Variants in ITGB5 observed in about 807,000 individuals in gnomAD.
ITGB5 encodes the protein integrin beta-5.
A neutral mutation model predicts 84.8 loss-of-function variants in ITGB5; 38 were observed. The ratio of observed to expected loss-of-function variants is 0.45; its 90% CI spans 0.35 to 0.59. ITGB5 has a LOEUF of 0.59. ITGB5 is among the 20% of genes least tolerant of loss of function. The probability of loss-of-function intolerance (pLI) is 0.01; values close to 1 mark genes in which losing one functional copy is unlikely to be tolerated. For synonymous variants in ITGB5, 393 were observed against 414.4 expected, an observed-to-expected ratio of 0.95 and a Z score of 0.63; for missense variants, 905 against 1,034.5, an observed-to-expected ratio of 0.87 and a Z score of 1.72.
intron 4 of ITGB5, among the ~76,000 whole-genome samples, chr3:124,842,200 AC>A (rs1463649206): frequency 1.3e-5 from 2 of 152,266 alleles, no homozygotes; most frequent in Non-Finnish European, 2.9e-5. Flanking sequence ...TTATTTAGAA[AC>A]TAAGCATCTT....
chr3:124,796,414 G>T lies in ITGB5; in HGVS notation c.1667C>A (p.Ala556Asp). 1 of 1,613,042 alleles carries T rather than the reference G, an allele frequency of 6.2e-7. No homozygotes were observed. Among genetic ancestry groups the T allele is most frequent in the Non-Finnish European group, 8.5e-7 (1 of 1,179,374 alleles). The change falls in exon 10 of 15, where the codon GCC (alanine) becomes GAC (aspartate). Residue 556 changes from alanine (A) to aspartate (D), a missense_variant. Coordinates refer to ENST00000296181, the MANE Select transcript of ITGB5 (RefSeq NM_002213.5). ...PFCECDNFSC[A>D]RNKGVLCSGH... is the part of the protein sequence containing the mutation. ...TGAGCAGAGGACTCCCTTGTTCCTG[G>T]CACAGGAGAAGTTGTCGCACTCACA...
chr3:124,788,939 A>G (rs886818718), intron 10 of ITGB5, among the ~76,000 whole-genome samples: 1 of 152,158 alleles, frequency 6.6e-6, no homozygotes, highest in African/African-American at 2.4e-5. Flanking sequence ...CAGACCTGTA[A>G]TCCTAGCACT....
chr3:124,845,281 A>G (rs1360288124), intron 4 of ITGB5, among the ~76,000 whole-genome samples: 1 of 152,206 alleles, frequency 6.6e-6, no homozygotes, highest in African/African-American at 2.4e-5. Flanking sequence ...AAAAAATACA[A>G]AAATTAGCTG....
At position 124,821,366 on chromosome 3, in the gene ITGB5, C is replaced by T. The variant is rs374228381; in HGVS notation, c.889G>A (p.Asp297Asn). Residue 297 changes from aspartate (D) to asparagine (N), a missense_variant, in exon 6 of 15, where the codon GAT becomes AAT. Coordinates refer to ENST00000296181, the MANE Select transcript of ITGB5 (RefSeq NM_002213.5). ...GKLGGLVQPH[D>N]GQCHLNEANE... The stretch of plus-strand genomic sequence containing the variant: ...GCCTCGTTCAGGTGGCACTGGCCAT[C>T]GTGTGGCTGCACCAGGCCTCCCAAT... The T allele has an allele frequency of 4.5e-5, 72 of 1,614,088 alleles. No homozygotes were observed. Among genetic ancestry groups the T allele is most frequent in the African/African-American group, 1.1e-4 (8 of 74,948 alleles).
At chr3:124,856,618 T>C (rs1398349252) in intron 3 of ITGB5, among the ~76,000 whole-genome samples, 2 of 152,172 alleles carry the variant, frequency 1.3e-5, no homozygotes, top group Non-Finnish European at 2.9e-5. Context: ...ACAGAGGACA[T>C]AGTAAAAATG....
At chr3:124,873,595 T>C in intron 1 of ITGB5, 64 bp from the exon 2 acceptor site, 2 of 1,192,042 alleles carry the variant, frequency 1.7e-6, no homozygotes, top group Non-Finnish European at 2.5e-6. Context: ...ATCAAGCCTT[T>C]GAATAGGGGG....
At chr3:124,882,867 G>A (rs996158510) in intron 1 of ITGB5, among the ~76,000 whole-genome samples, 2 of 152,218 alleles carry the variant, frequency 1.3e-5, no homozygotes, top group Non-Finnish European at 2.9e-5. Flanking sequence ...CTTAGGGGAT[G>A]AGTCAAGCCT....
chr3:124,784,763 C>T (rs1243591071), intron 10 of ITGB5, among the ~76,000 whole-genome samples: 1 of 152,222 alleles, frequency 6.6e-6, no homozygotes, highest in Non-Finnish European at 1.5e-5. Flanking sequence ...TTTGGCTTAA[C>T]CTGCCCAATC....
chr3:124,879,764 T>G (rs1934485738), intron 1 of ITGB5, among the ~76,000 whole-genome samples: 1 of 152,234 alleles, frequency 6.6e-6, no homozygotes, highest in South Asian at 2.1e-4. Context: ...TACTGTGTTT[T>G]GTGCTGCCTC....
chr3:124,764,323 A>G (rs1579158447), intron 14 of ITGB5, 68 bp downstream of exon 14: 2 of 1,510,996 alleles, frequency 1.3e-6, no homozygotes, highest in Admixed American at 3.7e-5. Context: ...TATTGCTAAC[A>G]TACCGCTGAA....
chr3:124,827,831 C>G (rs1050773646), intron 5 of ITGB5, among the ~76,000 whole-genome samples: 4 of 152,310 alleles, frequency 2.6e-5, no homozygotes, highest in African/African-American at 7.2e-5. Context: ...TAACTGATGA[C>G]ATTACCTTGT....
intron 10 of ITGB5, among the ~76,000 whole-genome samples, chr3:124,775,005 A>AGAGT (rs2150937817): frequency 6.6e-6 from 1 of 152,376 alleles, no homozygotes; most frequent in Non-Finnish European, 1.5e-5. Context: ...GTCTGGCTCC[A>AGAGT]GAGTCCATGA....
chr3:124,849,265 G>A (rs558288752), intron 3 of ITGB5, among the ~76,000 whole-genome samples: 10 of 152,276 alleles, frequency 6.6e-5, no homozygotes, highest in African/African-American at 2.4e-4. Context: ...GTCACGATGG[G>A]AATGTGCGTT....
intron 5 of ITGB5, among the ~76,000 whole-genome samples, chr3:124,834,331 G>A (rs2064898095): frequency 6.6e-6 from 1 of 151,384 alleles, no homozygotes; most frequent in Non-Finnish European, 1.5e-5. Flanking sequence ...GTGGTCAGAG[G>A]GAAGTTGTGG....
intron 5 of ITGB5, among the ~76,000 whole-genome samples, chr3:124,824,157 G>A (rs1171244512): frequency 6.6e-6 from 1 of 152,146 alleles, no homozygotes; most frequent in East Asian, 1.9e-4. Context: ...AAAGTTGGAG[G>A]ACTTCGTATC....
At chr3:124,867,675 C>A (rs750746204) in intron 2 of ITGB5, among the ~76,000 whole-genome samples, 32 of 152,210 alleles carry the variant, frequency 2.1e-4, no homozygotes, top group Admixed American at 6.5e-5. Context: ...GGGTTTTAGG[C>A]AACAGTGCTA....
chr3:124,885,479 T>C (rs1934761476), intron 1 of ITGB5, among the ~76,000 whole-genome samples: 1 of 151,886 alleles, frequency 6.6e-6, no homozygotes, highest in Non-Finnish European at 1.5e-5. Context: ...TGTCAGATTT[T>C]CTTATTTTGC....
intron 10 of ITGB5, among the ~76,000 whole-genome samples, chr3:124,795,078 G>C (rs76136045): frequency 0.017 from 2,549 of 152,248 alleles, 69 homozygotes; most frequent in African/African-American, 0.057. Context: ...GATCAGAAGA[G>C]AGAACAGAGA....
In ITGB5 at chr3:124,796,512, G is replaced by A. The variant is rs139893179; in HGVS notation, c.1569C>T (p.Ser523=). ...CREAEGKPLC[S]GRGDCSCNQC... ...GGTTGCAGCTGCAGTCCCCACGCCC[G>A]CTGCACAGTGGCTTGCCCTCTGCCT... Residue 523 remains serine, a synonymous_variant, in exon 10 of 15, where the codon AGC becomes AGT. Coordinates refer to ENST00000296181, the MANE Select transcript of ITGB5 (RefSeq NM_002213.5). The A allele has an allele frequency of 1.1e-5, 17 of 1,614,014 alleles. No individual in the cohort carries two copies. Among genetic ancestry groups the A allele is most frequent in the South Asian group, 2.2e-5 (2 of 91,084 alleles).
Sources: gnomAD v4.1 joint callset for allele counts (sites outside exome capture counted in the v4.1 genomes callset) on GRCh38, gnomAD v4.1.1 for gene constraint, MANE v1.5 for transcripts, NCBI Gene and HGNC (gene_info 2026-07-23, HGNC 2026-07-21) for gene names.